The following MARCHF3 variants were observed in gnomAD, a reference collection of about 807,000 sequenced individuals.
MARCHF3 encodes E3 ubiquitin-protein ligase MARCHF3.
MARCHF3 carries 13 observed loss-of-function variants against 24.2 expected under a neutral mutation model. The ratio of observed to expected loss-of-function variants is 0.54; its 90% CI spans 0.35 to 0.85. The LOEUF is 0.85. Among genes scored for constraint, MARCHF3 ranks in the 40% least tolerant of loss-of-function variants. MARCHF3 has a pLI of 0.01. For synonymous variants in MARCHF3, 144 were observed against 137.3 expected (o/e 1.05, Z -0.34); for missense variants, 276 against 325.0 (o/e 0.85, Z 1.16).
rs1341573130 is a variant in MARCHF3, at chr5:126,914,694, C to T, written c.393+236G>A. On this transcript the variant is annotated intron_variant, in intron 3 of 4. Coordinates refer to ENST00000308660, the MANE Select transcript of MARCHF3 (RefSeq NM_178450.5). Reference sequence around the variant, plus strand: ...TATACTAATTTATTCTGCTTTCCTTCTACTGCTGGATCCCAAGTGAGCTAG... The same window carrying T: ...TATACTAATTTATTCTGCTTTCCTTTTACTGCTGGATCCCAAGTGAGCTAG... 4 of 579,604 alleles carry T rather than the reference C, an allele frequency of 6.9e-6. No individual in the cohort carries two copies. The African/African-American group carries it at 7.5e-5, about 11-fold the overall frequency. The allele number at this position is 579,604 out of a possible 1,614,324, so 35.9% of individuals were successfully genotyped here. A position where few individuals can be genotyped will look rare whatever the true frequency, so the allele number is the denominator to read the frequency against.
chr5:127,019,298 G>C (rs1561476094), intron 1 of MARCHF3, among the ~76,000 whole-genome samples: 1 of 152,148 alleles, frequency 6.6e-6, no homozygotes, highest in Non-Finnish European at 1.5e-5. Context: ...ACGACAAGTA[G>C]TAGACACACT....
At chr5:126,973,938 C>T (rs1449922933) in intron 1 of MARCHF3, among the ~76,000 whole-genome samples, 8 of 131,272 alleles carry the variant, frequency 6.1e-5, no homozygotes, top group Admixed American at 2.7e-4. Flanking sequence ...TCGCCCAGGC[C>T]GGACTGCGGA....
chr5:126,886,221 G>T (rs1753505559), intron 3 of MARCHF3, among the ~76,000 whole-genome samples: 1 of 152,150 alleles, frequency 6.6e-6, no homozygotes, highest in Admixed American at 6.5e-5. Flanking sequence ...TAAGTTCCTT[G>T]TTTAAGGTTA....
chr5:127,015,786 C>A (rs73787404), intron 1 of MARCHF3, among the ~76,000 whole-genome samples: 1 of 152,110 alleles, frequency 6.6e-6, no homozygotes, highest in African/African-American at 2.4e-5. Flanking sequence ...CCTTGGTCAA[C>A]CATGGCCCGA....
intron 1 of MARCHF3, among the ~76,000 whole-genome samples, chr5:127,016,446 A>G (rs1752641156): frequency 6.6e-6 from 1 of 152,236 alleles, no homozygotes; most frequent in African/African-American, 2.4e-5. Flanking sequence ...AAAAGTGGGC[A>G]AAGGATATGA....
At position 126,915,144 on chromosome 5, in the gene MARCHF3, A is replaced by G; in HGVS notation, c.189-10T>C. Reference sequence around the variant, plus strand: ...CCGGTCATTGAAGGGGCTGCAAGAGAAGGAGGGGCACCTGCTGGTCACTGG... The same window carrying G: ...CCGGTCATTGAAGGGGCTGCAAGAGGAGGAGGGGCACCTGCTGGTCACTGG... On this transcript the variant is annotated splice_polypyrimidine_tract_variant and intron_variant, in intron 2 of 4. Coordinates refer to ENST00000308660, the MANE Select transcript of MARCHF3 (RefSeq NM_178450.5). 6.2e-7 allele frequency: 1 copy of G among 1,612,008 alleles called. No homozygotes were observed. The highest frequency in any genetic ancestry group is 8.5e-7 in the Non-Finnish European group (1 of 1,179,574).
chr5:127,002,840 AAC>A (rs1355055978), intron 1 of MARCHF3, among the ~76,000 whole-genome samples: 4 of 152,198 alleles, frequency 2.6e-5, no homozygotes, highest in African/African-American at 4.8e-5. Flanking sequence ...CCTTTCTACA[AAC>A]ACAGCTCCTT....
In MARCHF3 at chr5:126,870,697, G is replaced by A. The variant is rs1451193321; in HGVS notation, c.698C>T (p.Ser233Phe). 6.2e-7 allele frequency: 1 copy of A among 1,614,120 alleles called. No individual in the cohort carries two copies. The highest frequency in any genetic ancestry group is 1.3e-5 in the African/African-American group (1 of 74,938). ...LLIPKSVNVP[S>F]NQPSLLGLHS... is the part of the protein sequence containing the mutation. ...GAGGCCCAGCAAGGACGGCTGGTTA[G>A]AAGGTACATTGACAGACTTTGGAAT... The change falls in exon 5 of 5, where the codon TCT (serine) becomes TTT (phenylalanine). Residue 233 changes from serine (S) to phenylalanine (F), a missense_variant. By Grantham distance (155) the Ser-to-Phe change is radical. Transcript: ENST00000308660.
intron 1 of MARCHF3, among the ~76,000 whole-genome samples, chr5:126,947,623 G>A (rs935164075): frequency 1.3e-5 from 2 of 152,196 alleles, no homozygotes; most frequent in South Asian, 2.1e-4. Flanking sequence ...AAGGCCGTAC[G>A]TGTGCACAGG....
intron 3 of MARCHF3, among the ~76,000 whole-genome samples, chr5:126,910,227 C>T (rs2126789249): frequency 6.6e-6 from 1 of 152,298 alleles, no homozygotes; most frequent in African/African-American, 2.4e-5. Flanking sequence ...ACGAGTTTTC[C>T]AGGCAAGGGT....
chr5:126,935,239 T>C (rs1245820317), intron 1 of MARCHF3, among the ~76,000 whole-genome samples: 5 of 152,172 alleles, frequency 3.3e-5, no homozygotes, highest in African/African-American at 4.8e-5. Flanking sequence ...AACATTCAAA[T>C]TGATAGGCTG....
chr5:126,932,324 A>C (rs1749505514), intron 1 of MARCHF3, among the ~76,000 whole-genome samples: 1 of 152,216 alleles, frequency 6.6e-6, no homozygotes, highest in Non-Finnish European at 1.5e-5. Flanking sequence ...CAATTTGCCC[A>C]CCTGTGAAAA....
chr5:126,950,166 G>T (rs141519739), intron 1 of MARCHF3, among the ~76,000 whole-genome samples: 35 of 152,260 alleles, frequency 2.3e-4, no homozygotes, highest in South Asian at 6.2e-4. Flanking sequence ...TGCACCCACA[G>T]CTTCTTGTCT....
At chr5:126,881,401 C>G (rs1439154115) in intron 3 of MARCHF3, among the ~76,000 whole-genome samples, 1 of 152,128 alleles carries the variant, frequency 6.6e-6, no homozygotes, top group Non-Finnish European at 1.5e-5. Context: ...AAAAAGTACC[C>G]TTGGCCATGG....
chr5:126,915,311 G>A (rs1365153465), intron 2 of MARCHF3, among the ~76,000 whole-genome samples, 177 bp from the exon 3 acceptor site: 1 of 152,206 alleles, frequency 6.6e-6, no homozygotes, highest in Non-Finnish European at 1.5e-5. Flanking sequence ...GAGCACTTGG[G>A]TCACCTACTT....
intron 1 of MARCHF3, among the ~76,000 whole-genome samples, chr5:127,028,175 G>A (rs926098248): frequency 6.6e-6 from 1 of 152,100 alleles, no homozygotes; most frequent in Non-Finnish European, 1.5e-5. Context: ...CATATATAAT[G>A]AACACCATTA....
At chr5:126,956,087 C>G (rs1297496733) in intron 1 of MARCHF3, among the ~76,000 whole-genome samples, 1 of 152,080 alleles carries the variant, frequency 6.6e-6, no homozygotes, top group Admixed American at 6.5e-5. Context: ...GCCAAATTCC[C>G]ACATACATTT....
intron 1 of MARCHF3, among the ~76,000 whole-genome samples, chr5:126,998,935 A>G (rs1001099644): frequency 6.6e-6 from 1 of 152,192 alleles, no homozygotes; most frequent in African/African-American, 2.4e-5. Flanking sequence ...AAATATTACT[A>G]CATGCCACAA....
chr5:126,916,439 C>T lies in MARCHF3; in HGVS notation c.189-1305G>A, dbSNP rs144097024. On this transcript the variant is annotated intron_variant, in intron 2 of 4. Transcript: ENST00000308660. ...ATAGCCATGGAAGACTGCTGTTTCCCAAAGGCCTTTCTGAGAATGATCCTG... is the reference window on the plus strand; with the variant it reads ...ATAGCCATGGAAGACTGCTGTTTCCTAAAGGCCTTTCTGAGAATGATCCTG... Among the ~76,000 whole-genome samples, 14 of 152,130 alleles carry T rather than the reference C, an allele frequency of 9.2e-5. No homozygotes were observed. The East Asian group carries it at 2.7e-3, about 29-fold the overall frequency.
Sources: allele counts gnomAD v4.1 joint callset (sites outside exome capture counted in the v4.1 genomes callset), GRCh38; gene constraint gnomAD v4.1.1; transcripts MANE v1.5; gene names NCBI Gene and HGNC (gene_info 2026-07-23, HGNC 2026-07-21).